The following MIAT variants were observed in gnomAD, a reference collection of about 807,000 sequenced individuals.
MIAT encodes the protein MI related novel mRNA.
In MIAT at chr22:26,657,806, A is replaced by G. The variant is rs1298178811; in HGVS notation, n.647-5510A>G. Among the ~76,000 whole-genome samples, 3 of 152,230 alleles carry G rather than the reference A, an allele frequency of 2.0e-5. No individual in the cohort carries two copies. In the South Asian group the frequency reaches 6.2e-4, roughly 32 times the overall value. On this transcript the variant is annotated intron_variant and non_coding_transcript_variant, in intron 2 of 5. Coordinates refer to ENST00000643270, the Ensembl canonical transcript of MIAT. ...TGCAACGCCGCCTGAAGTGTCCCGC[A>G]TTGGATGGATGAAGAGGCTTTACAG...
intron 3 of MIAT, among the ~76,000 whole-genome samples, chr22:26,665,271 G>GAAAGAAAGAAAGAAAGAA (rs1555949236): frequency 4.8e-5 from 7 of 144,766 alleles, no homozygotes; most frequent in African/African-American, 1.4e-4. Context: ...AAGAAAGAAA[G>GAAAGAAAGAAAGAAAGAA]AAAGAAAGAA....
At chr22:26,665,568 A>C in exon 4 of MIAT, 1 of 398,772 alleles carries the variant, frequency 2.5e-6, no homozygotes. Flanking sequence ...GACAGAAGGG[A>C]ATTTCCAGGT....
downstream of MIAT, chr22:26,672,134 T>C: frequency 2.5e-6 from 1 of 399,886 alleles, no homozygotes; most frequent in Non-Finnish European, 4.4e-6. Flanking sequence ...TAGCGACTCC[T>C]GTGTGTGTCT....
intron 5 of MIAT, chr22:26,667,663 C>T (rs1930902232): frequency 1.5e-5 from 3 of 203,588 alleles, no homozygotes; most frequent in African/African-American, 2.3e-5. Flanking sequence ...TCATTGCTTC[C>T]TCTTTTTAGA....
intron 3 of MIAT, among the ~76,000 whole-genome samples, chr22:26,663,952 T>C (rs947659335): frequency 2.6e-5 from 2 of 76,242 alleles, no homozygotes; most frequent in African/African-American, 4.2e-5. Context: ...AGAAGTAGAT[T>C]GGATTCTTTT....
chr22:26,661,097 TG>T (rs1930646823), intron 2 of MIAT, among the ~76,000 whole-genome samples: 2 of 152,230 alleles, frequency 1.3e-5, no homozygotes, highest in Admixed American at 1.3e-4. Flanking sequence ...TTGAGGCTGC[TG>T]GTTTGTCTCC....
intron 2 of MIAT, among the ~76,000 whole-genome samples, chr22:26,649,636 AGGGCACAGTGGCTCACGCCTGTAATC>A (rs1469018587): frequency 6.6e-6 from 1 of 152,206 alleles, no homozygotes; most frequent in African/African-American, 2.4e-5. Context: ...GGTGGAGGGC[AGGGCACAGTGGCTCACGCCTGTAATC>A]CCAGCACTTT....
intron 3 of MIAT, among the ~76,000 whole-genome samples, chr22:26,664,978 T>C (rs1569221577): frequency 6.6e-6 from 1 of 152,224 alleles, no homozygotes; most frequent in Non-Finnish European, 1.5e-5. Flanking sequence ...GGCTCATGCC[T>C]GTAATCCCAG....
chr22:26,672,325 C>G (rs375688445), downstream of MIAT: 12 of 399,192 alleles, frequency 3.0e-5, no homozygotes, highest in East Asian at 4.3e-4. Context: ...AGATGTCCCA[C>G]TTTGCTGCCC....
In MIAT at chr22:26,661,945, TATATATATATATATATAC is replaced by T. The variant is rs1366933866; in HGVS notation, n.647-1369_647-1352del. 8.9e-3 allele frequency among the ~76,000 whole-genome samples: 299 copies of T among 33,656 alleles called. 5 individuals are homozygous for T. The highest frequency in any genetic ancestry group is 9.5e-3 in the African/African-American group (63 of 6,636). The allele number at this position is 33,656 out of a possible 152,430, so 22.1% of individuals were successfully genotyped here. ...ATATATATATATATATATATATATA[TATATATATATATATATAC>T]ACACACACACATATACATGGATCTG... is the stretch of plus-strand genomic sequence containing the variant. On this transcript the variant is annotated intron_variant and non_coding_transcript_variant, in intron 2 of 5. Coordinates refer to ENST00000643270, the Ensembl canonical transcript of MIAT.
At chr22:26,648,889 AAGAG>A (rs1174670135) in intron 2 of MIAT, among the ~76,000 whole-genome samples, 3 of 149,630 alleles carry the variant, frequency 2.0e-5, no homozygotes, top group African/African-American at 7.5e-5. Context: ...TTGAGAGAGA[AAGAG>A]AGAGAGAGAG....
At chr22:26,669,621 G>T in exon 6 of MIAT, 2 of 398,644 alleles carry the variant, frequency 5.0e-6, no homozygotes, top group Non-Finnish European at 8.8e-6. Flanking sequence ...TTTGGGGGAG[G>T]GGACACCATT....
intron 2 of MIAT, among the ~76,000 whole-genome samples, chr22:26,652,149 A>T (rs762571880): frequency 3.3e-5 from 5 of 152,062 alleles, no homozygotes; most frequent in African/African-American, 1.2e-4. Flanking sequence ...ACACACTACC[A>T]TGCCTGGCTA....
At chr22:26,648,557 TTG>T (rs199784418) in intron 2 of MIAT, among the ~76,000 whole-genome samples, 20,927 of 122,264 alleles carry the variant, frequency 0.17, 1,806 homozygotes, top group East Asian at 0.39. Flanking sequence ...TGATGGGGTT[TTG>T]TTTTTTTTTT....
At chr22:26,649,741 C>G (rs1017071954) in intron 2 of MIAT, among the ~76,000 whole-genome samples, 1 of 152,170 alleles carries the variant, frequency 6.6e-6, no homozygotes, top group Non-Finnish European at 1.5e-5. Context: ...GGTGAAACCC[C>G]GTCTCTACTA....
At chr22:26,653,066 C>A (rs578029844) in intron 2 of MIAT, among the ~76,000 whole-genome samples, 1 of 152,132 alleles carries the variant, frequency 6.6e-6, no homozygotes, top group African/African-American at 2.4e-5. Context: ...CTTCTCAAAC[C>A]AAGCATGAAC....
chr22:26,654,015 C>A (rs5761661), intron 2 of MIAT, among the ~76,000 whole-genome samples: 23 of 152,064 alleles, frequency 1.5e-4, no homozygotes, highest in African/African-American at 5.5e-4. Context: ...GCTGGGATTA[C>A]AGGCGTGAGC....
At chr22:26,674,185 A>G (rs1931174998), downstream of MIAT, 2 of 398,544 alleles carry the variant, frequency 5.0e-6, no homozygotes, top group Admixed American at 4.4e-5. Context: ...AGTAGTATAA[A>G]TTATCTGAGC....
chr22:26,668,142 C>T (rs1382221829), intron 5 of MIAT: 2 of 398,512 alleles, frequency 5.0e-6, no homozygotes, highest in Non-Finnish European at 8.8e-6. Context: ...TCCTCACTCG[C>T]TGTCTTCTCC....
Sources: allele counts gnomAD v4.1 joint callset (sites outside exome capture counted in the v4.1 genomes callset), GRCh38; gene constraint gnomAD v4.1.1; transcripts MANE v1.5; gene names NCBI Gene and HGNC (gene_info 2026-07-23, HGNC 2026-07-21).